The following PHF6 variants were observed in gnomAD, a reference collection of about 807,000 sequenced individuals.
The protein encoded by PHF6 is PHD finger protein 6.
In PHF6, 7 loss-of-function variants were observed where a neutral mutation model predicts 34.0. The ratio of observed to expected loss-of-function variants is 0.21; its 90% CI spans 0.12 to 0.39. The LOEUF is 0.39. Ranked by LOEUF, PHF6 falls within the 10% of genes least tolerant of loss-of-function variation. The probability of loss-of-function intolerance (pLI) is 1.00; values close to 1 mark genes in which losing one functional copy is unlikely to be tolerated. For missense variants in PHF6, 128 were observed against 262.8 expected (o/e 0.49, Z 3.55); for synonymous variants, 89 against 88.4 (o/e 1.01, Z -0.04).
At chrX:134,406,262 C>CA (rs1399619650) in intron 5 of PHF6, among the ~76,000 whole-genome samples, 1 of 110,588 alleles carries the variant, frequency 9.0e-6, no homozygotes, top group Non-Finnish European at 1.9e-5. Flanking sequence ...TTATAGTTTA[C>CA]AAAGCATTTT....
chrX:134,413,441 T>TA (rs775710784), intron 5 of PHF6, 50 bp from the exon 6 acceptor site: 3 of 1,153,720 alleles, frequency 2.6e-6, no homozygotes, highest in Middle Eastern at 2.6e-4. Context: ...CATGAACTAA[T>TA]ACTTATTTTG....
At chrX:134,382,005 T>G (rs2077309684) in intron 3 of PHF6, among the ~76,000 whole-genome samples, 1 of 111,292 alleles carries the variant, frequency 9.0e-6, no homozygotes, top group Non-Finnish European at 1.9e-5. Flanking sequence ...AACAGAGAGA[T>G]AAGGAGGCTA....
In PHF6 at chrX:134,378,041, A is replaced by C. The variant is rs1462978695; in HGVS notation, c.175A>C (p.Asn59His). 8.3e-7 allele frequency: 1 copy of C among 1,203,988 alleles called. No individual in the cohort carries two copies. The highest frequency in any genetic ancestry group is 3.0e-5 in the East Asian group (1 of 33,639). Residue 59 changes from asparagine to histidine, a missense_variant, in exon 3 of 11, where the codon AAT (asparagine) becomes CAT (histidine). This residue lies in a region of PHF6 where 97 missense variants were observed against 152.9 expected (regional missense o/e 0.63). Coordinates refer to ENST00000370803, the MANE Select transcript of PHF6 (RefSeq NM_001015877.2). ...TGCTTTGGTATCATCACACTCTGATAATGAAAGTCTTGGTGGATTTTCTAT... is the reference window on the plus strand; with the variant it reads ...TGCTTTGGTATCATCACACTCTGATCATGAAAGTCTTGGTGGATTTTCTAT... Reference protein sequence around the residue: ...SSALVSSHSDNESLGGFSIED... With the variant: ...SSALVSSHSDHESLGGFSIED...
At chrX:134,425,389 A>G in intron 10 of PHF6, 59 bp downstream of exon 10, 1 of 1,149,153 alleles carries the variant, frequency 8.7e-7, no homozygotes, top group South Asian at 1.8e-5. Flanking sequence ...TGATATATAC[A>G]TGTTGAAGTA....
intron 3 of PHF6, among the ~76,000 whole-genome samples, chrX:134,380,837 A>G (rs775380725): frequency 1.2e-4 from 13 of 111,447 alleles, no homozygotes; most frequent in Non-Finnish European, 2.5e-4. Context: ...AATAGTAGCC[A>G]CCACTTATTG....
At position 134,399,652 on chromosome X, in the gene PHF6, T is replaced by TAC. The variant is rs201158134; in HGVS notation, c.418+5716_418+5717dup. ...ATCTCCTGTTCCCCAACCCCTAACA[T>TAC]ACACACACACACACACAGACACACA... On this transcript the variant is annotated intron_variant, in intron 5 of 10. Coordinates refer to ENST00000370803, the MANE Select transcript of PHF6 (RefSeq NM_001015877.2). Among the ~76,000 whole-genome samples, 688 of 101,230 alleles carry TAC rather than the reference T, an allele frequency of 6.8e-3. 4 individuals are homozygous for TAC. Among genetic ancestry groups the TAC allele is most frequent in the South Asian group, 8.8e-3 (20 of 2,275 alleles). 87.9% of individuals were successfully genotyped at this position (101,230 alleles called of 115,157 possible). A position where few individuals can be genotyped will look rare whatever the true frequency, so the allele number is the denominator to read the frequency against.
chrX:134,397,228 T>C (rs1168686677), intron 5 of PHF6, among the ~76,000 whole-genome samples: 1 of 112,515 alleles, frequency 8.9e-6, no homozygotes, highest in African/African-American at 3.2e-5. Context: ...TAAAAATCTA[T>C]ATGGAGTTTA....
chrX:134,385,163 T>C (rs764029454), intron 3 of PHF6, among the ~76,000 whole-genome samples: 1 of 111,167 alleles, frequency 9.0e-6, no homozygotes, highest in South Asian at 3.7e-4. Flanking sequence ...TCCATCCTTA[T>C]CTCATTCTCT....
chrX:134,400,440 AC>A lies in PHF6; in HGVS notation c.418+6492del, dbSNP rs112438265. On this transcript the variant is annotated intron_variant, in intron 5 of 10. Transcript: ENST00000370803. ...AGGAGGAGAATTAATTGATACATAG[AC>A]CCCTTAAGAGAAGGGATGCTATGGG... Among the ~76,000 whole-genome samples the A allele has an allele frequency of 6.8e-3, 650 of 95,658 alleles. 5 individuals are homozygous for A. The highest frequency in any genetic ancestry group is 0.025 in the African/African-American group (623 of 25,135). The allele number at this position is 95,658 out of a possible 115,157, so 83.1% of individuals were successfully genotyped here.
Position 134,425,708 on chromosome X carries a change from A to T in PHF6, c.*48A>T. 5.2e-6 allele frequency: 1 copy of T among 192,079 alleles called. No homozygotes were observed. Among genetic ancestry groups the T allele is most frequent in the Non-Finnish European group, 9.7e-6 (1 of 102,914 alleles). The allele number at this position is 192,079 out of a possible 1,213,427, so 15.8% of individuals were successfully genotyped here. ...ACTGGGAATGAATAAGACATCCATA[A>T]CTACTATTCTTTTTTCACTGTTTTC... On this transcript the variant is annotated 3_prime_UTR_variant, in exon 11 of 11. Coordinates refer to ENST00000370803, the MANE Select transcript of PHF6 (RefSeq NM_001015877.2).
At chrX:134,421,620 A>G (rs755318573) in intron 9 of PHF6, among the ~76,000 whole-genome samples, 6 of 110,903 alleles carry the variant, frequency 5.4e-5, no homozygotes, top group Non-Finnish European at 1.1e-4. Context: ...TCATTTTGGA[A>G]GAAAAATGGA....
intron 3 of PHF6, among the ~76,000 whole-genome samples, chrX:134,382,974 G>T (rs1305285258): frequency 1.8e-5 from 2 of 110,847 alleles, no homozygotes; most frequent in African/African-American, 6.6e-5. Context: ...CCTAAGGATT[G>T]GCTGACACGT....
chrX:134,406,110 C>CTTTCTTTCTTTCTTTCTTT (rs1556017668), intron 5 of PHF6, among the ~76,000 whole-genome samples: 1 of 77,021 alleles, frequency 1.3e-5, no homozygotes, highest in African/African-American at 5.8e-5. Flanking sequence ...TTCTTTCTTT[C>CTTTCTTTCTTTCTTTCTTT]TTTTTTTTTT....
chrX:134,413,252 G>GT (rs755158668), intron 5 of PHF6, among the ~76,000 whole-genome samples: 186 of 110,659 alleles, frequency 1.7e-3, no homozygotes, highest in African/African-American at 5.6e-3. Context: ...GAAACCTATG[G>GT]TAAAAAAAAA....
chrX:134,397,606 G>A (rs1035819763), intron 5 of PHF6, among the ~76,000 whole-genome samples: 4 of 111,767 alleles, frequency 3.6e-5, no homozygotes, highest in Non-Finnish European at 7.5e-5. Context: ...CTGAGATTAC[G>A]CCATTTGCAC....
intron 3 of PHF6, among the ~76,000 whole-genome samples, chrX:134,387,455 GGT>G (rs1462631417): frequency 9.0e-6 from 1 of 110,758 alleles, no homozygotes; most frequent in Non-Finnish European, 1.9e-5. Context: ...GTGTGGATGA[GGT>G]GTTCTTCACA....
chrX:134,394,586 G>A (rs1459914409), intron 5 of PHF6, among the ~76,000 whole-genome samples: 1 of 107,801 alleles, frequency 9.3e-6, no homozygotes, highest in South Asian at 4.2e-4. Context: ...TGTTGCCCAG[G>A]CTGGAGTGCA....
intron 5 of PHF6, among the ~76,000 whole-genome samples, chrX:134,411,536 TATTA>T (rs1349394566): frequency 9.0e-6 from 1 of 110,760 alleles, no homozygotes; most frequent in Non-Finnish European, 1.9e-5. Context: ...TATTGTTATT[TATTA>T]AACAACTATT....
Position 134,373,833 on chromosome X carries a change from AAG to A in PHF6, c.-47+375_-47+376del, listed in dbSNP as rs1296842158. Among the ~76,000 whole-genome samples, 173 of 106,892 alleles carry A rather than the reference AAG, an allele frequency of 1.6e-3. 1 individual carries two copies. The highest frequency in any genetic ancestry group is 4.4e-3 in the African/African-American group (128 of 29,112). The allele number at this position is 106,892 out of a possible 115,157, so 92.8% of individuals were successfully genotyped here. ...TAAGAGGAAGAATTGTTAGGATGGC[AAG>A]AGAGAGAGCCTTACGGAATGAGGAA... is the stretch of plus-strand genomic sequence containing the variant. On this transcript the variant is annotated intron_variant, in intron 1 of 10. Coordinates refer to ENST00000370803, the MANE Select transcript of PHF6 (RefSeq NM_001015877.2).
Sources: gnomAD v4.1 joint callset for allele counts (sites outside exome capture counted in the v4.1 genomes callset) on GRCh38, gnomAD v4.1.1 for gene constraint, gnomAD v4.1.1 regional missense constraint, MANE v1.5 for transcripts, NCBI Gene and HGNC (gene_info 2026-07-23, HGNC 2026-07-21) for gene names.